The following SPMIP2 variants were observed in gnomAD, a reference collection of about 807,000 sequenced individuals.
SPMIP2 encodes sperm microtubule inner protein 2, also known as protein SPMIP2.
chr4:159,069,630 T>C, the SPMIP2 span, among the ~76,000 whole-genome samples: 1,591 of 152,042 alleles, frequency 0.01, 35 homozygotes, highest in African/African-American at 0.036. Context: ...TTTGTAGATA[T>C]GAGGTCTCCC....
the SPMIP2 span, chr4:158,915,354 G>A: frequency 3.1e-6 from 5 of 1,608,526 alleles, no homozygotes; most frequent in Admixed American, 5.1e-5. Flanking sequence ...ATGAGGTTTT[G>A]GTTGCCTGGA....
chr4:159,057,190 T>C, the SPMIP2 span, among the ~76,000 whole-genome samples: 3,319 of 152,344 alleles, frequency 0.022, 129 homozygotes, highest in African/African-American at 0.076. Context: ...ATTAAAATGA[T>C]CAGTTTTTAT....
At chr4:158,974,489 A>G in the SPMIP2 span, among the ~76,000 whole-genome samples, 20 of 150,062 alleles carry the variant, frequency 1.3e-4, no homozygotes, top group Admixed American at 2.7e-4. Context: ...CCCCTTGTGT[A>G]ATATTCCCCT....
the SPMIP2 span, among the ~76,000 whole-genome samples, chr4:159,055,596 GCTAA>G: frequency 6.6e-6 from 1 of 152,084 alleles, no homozygotes; most frequent in Non-Finnish European, 1.5e-5. Context: ...TGTAGTCCCA[GCTAA>G]TTGAGGAGCT....
the SPMIP2 span, among the ~76,000 whole-genome samples, chr4:159,081,884 T>A: frequency 1.3e-5 from 2 of 152,204 alleles, no homozygotes; most frequent in Non-Finnish European, 2.9e-5. Context: ...TTAGAAGTGA[T>A]ATAATGAGTC....
At chr4:159,019,848 G>A in the SPMIP2 span, among the ~76,000 whole-genome samples, 32 of 152,294 alleles carry the variant, frequency 2.1e-4, no homozygotes, top group South Asian at 6.0e-3. Flanking sequence ...TTTGCTGACT[G>A]GAGAGAGGGG....
the SPMIP2 span, chr4:159,007,539 A>G: frequency 3.0e-6 from 3 of 1,016,124 alleles, no homozygotes; most frequent in South Asian, 1.2e-5. Flanking sequence ...TGGGGTAGCA[A>G]TCCAGGAGAA....
At chr4:158,900,704 CTTTAT>C in the SPMIP2 span, among the ~76,000 whole-genome samples, 747 of 152,202 alleles carry the variant, frequency 4.9e-3, 3 homozygotes, top group Admixed American at 0.01. Flanking sequence ...TCCTCCATCT[CTTTAT>C]TTTGAGTCTG....
At chr4:158,946,900 G>A in the SPMIP2 span, among the ~76,000 whole-genome samples, 1 of 152,196 alleles carries the variant, frequency 6.6e-6, no homozygotes, top group South Asian at 2.1e-4. Flanking sequence ...CTGGTACATA[G>A]TTGGCACTTG....
the SPMIP2 span, among the ~76,000 whole-genome samples, chr4:158,989,461 T>C: frequency 2.6e-5 from 4 of 152,120 alleles, no homozygotes; most frequent in Non-Finnish European, 5.9e-5. Context: ...GGAGGCATCA[T>C]GCTACCTGAT....
At chr4:159,066,587 T>TTTTA in the SPMIP2 span, among the ~76,000 whole-genome samples, 3 of 65,342 alleles carry the variant, frequency 4.6e-5, no homozygotes, top group Non-Finnish European at 5.8e-5. Flanking sequence ...CGTGTGTGTA[T>TTTTA]TTTATATATA....
At chr4:159,072,431 C>G in the SPMIP2 span, among the ~76,000 whole-genome samples, 1 of 148,672 alleles carries the variant, frequency 6.7e-6, no homozygotes, top group Non-Finnish European at 1.5e-5. Flanking sequence ...TAATGATGCT[C>G]ATTGTTAATC....
At chr4:158,960,656 A>G in the SPMIP2 span, among the ~76,000 whole-genome samples, 1 of 152,152 alleles carries the variant, frequency 6.6e-6, no homozygotes, top group Non-Finnish European at 1.5e-5. Context: ...TCTATGTCTA[A>G]ATAAGCGAGC....
the SPMIP2 span, chr4:158,905,360 GA>G: frequency 6.6e-6 from 1 of 152,320 alleles, no homozygotes; most frequent in Non-Finnish European, 1.5e-5. Context: ...GCCTTTTTAA[GA>G]GAGGCCACTT....
chr4:158,939,255 A>C, the SPMIP2 span, among the ~76,000 whole-genome samples: 5 of 152,242 alleles, frequency 3.3e-5, no homozygotes, highest in Non-Finnish European at 5.9e-5. Flanking sequence ...AACTAAGAAT[A>C]AAGTTGATCC....
the SPMIP2 span, among the ~76,000 whole-genome samples, chr4:158,962,926 G>A: frequency 6.6e-6 from 1 of 152,142 alleles, no homozygotes; most frequent in African/African-American, 2.4e-5. Context: ...CATTATAGAT[G>A]GGTTTAGAGT....
At chr4:159,025,583 C>T in the SPMIP2 span, among the ~76,000 whole-genome samples, 2 of 152,096 alleles carry the variant, frequency 1.3e-5, no homozygotes, top group South Asian at 4.2e-4. Context: ...CTGCTTATGG[C>T]TTCAGACTTT....
chr4:159,067,223 A>AC, the SPMIP2 span, among the ~76,000 whole-genome samples: 1,829 of 120,076 alleles, frequency 0.015, 35 homozygotes, highest in African/African-American at 0.046. Context: ...ATGAGAATCT[A>AC]TTTAAAAAAA....
the SPMIP2 span, among the ~76,000 whole-genome samples, chr4:159,013,362 C>T: frequency 1.3e-5 from 2 of 152,144 alleles, no homozygotes; most frequent in African/African-American, 4.8e-5. Context: ...TGTATCAGTT[C>T]CCTAGGGCTG....
Sources: gnomAD v4.1 joint callset for allele counts (sites outside exome capture counted in the v4.1 genomes callset) on GRCh38, gnomAD v4.1.1 for gene constraint, MANE v1.5 for transcripts, NCBI Gene and HGNC (gene_info 2026-07-23, HGNC 2026-07-21) for gene names.